Variants in ZNF568 observed in about 807,000 individuals in gnomAD.
ZNF568 encodes zinc finger protein 568.
ZNF568 carries 11 observed loss-of-function variants against 18.1 expected under a neutral mutation model. The observed-to-expected ratio is 0.61, with a 90% CI of 0.38 to 1.00. ZNF568 has a LOEUF of 1.00. Among genes scored for constraint, ZNF568 ranks in the 50% least tolerant of loss-of-function variants. The pLI is 0.01. For synonymous variants in ZNF568, 213 were observed against 246.6 expected (o/e 0.86, Z 1.28); for missense variants, 639 against 768.2 (o/e 0.83, Z 1.99).
chr19:36,995,103 A>G (rs1177192235), intron 4 of ZNF568, among the ~76,000 whole-genome samples: 1 of 151,608 alleles, frequency 6.6e-6, no homozygotes, highest in African/African-American at 2.4e-5. Context: ...TTGAATCTAA[A>G]GTTTGTCTCG....
chr19:36,974,547 A>G lies in ZNF568; in HGVS notation c.405+81A>G, dbSNP rs575830861. 1.7e-5 allele frequency: 23 copies of G among 1,343,354 alleles called. No homozygotes were observed. In the South Asian group the frequency reaches 2.5e-4, roughly 15 times the overall value. The allele number at this position is 1,343,354 out of a possible 1,614,324, so 83.2% of individuals were successfully genotyped here. On this transcript the variant is annotated intron_variant, in intron 7 of 7. Transcript: ENST00000427117. The stretch of plus-strand genomic sequence containing the variant: ...CCTATTTCAGAAATTTATCTAAAAT[A>G]TTTACATTCATGATTTGGACAAAGG...
At chr19:36,940,309 T>A (rs1291296487) in intron 6 of ZNF568, among the ~76,000 whole-genome samples, 1 of 152,250 alleles carries the variant, frequency 6.6e-6, no homozygotes, top group African/African-American at 2.4e-5. Context: ...TTAACTTTAA[T>A]ATCATTTTCT....
chr19:36,936,576 G>T, intron 4 of ZNF568, 170 bp from the exon 5 acceptor site: 4 of 526,766 alleles, frequency 7.6e-6, no homozygotes, highest in Non-Finnish European at 3.1e-6. Context: ...GTCAGATTTG[G>T]GAAATGTCCA....
rs1303117133 is a variant in ZNF568 at position 36,975,707 on chromosome 19, CAG to C, written c.405+1244_405+1245del. On this transcript the variant is annotated intron_variant, in intron 7 of 7. Transcript: ENST00000427117. Reference sequence around the variant, plus strand: ...TTTTTTTTTTTTTTTTTTTTTGAGACAGAGTCTTGCTCTGTCACTCAGGCTGG... The same window carrying C: ...TTTTTTTTTTTTTTTTTTTTTGAGACAGTCTTGCTCTGTCACTCAGGCTGG... 3.2e-3 allele frequency among the ~76,000 whole-genome samples: 84 copies of C among 26,596 alleles called. 2 individuals are homozygous for C. The highest frequency in any genetic ancestry group is 0.021 in the African/African-American group (79 of 3,796). 17.4% of individuals were successfully genotyped at this position (26,596 alleles called of 152,430 possible).
At chr19:36,934,249 T>A (rs2073749269) in intron 4 of ZNF568, among the ~76,000 whole-genome samples, 1 of 151,786 alleles carries the variant, frequency 6.6e-6, no homozygotes, top group South Asian at 2.1e-4. Context: ...ATTCTGATGT[T>A]TGCTTATTTC....
At chr19:36,933,898 G>GTTTTTTTTTTTTTTTTT (rs200880642) in intron 4 of ZNF568, among the ~76,000 whole-genome samples, 1 of 25,776 alleles carries the variant, frequency 3.9e-5, no homozygotes, top group African/African-American at 2.8e-4. Context: ...CTTTTGGGTA[G>GTTTTTTTTTTTTTTTTT]GTTTTTTTTT....
At chr19:36,927,887 T>TATATATTATA (rs1491142078) in intron 4 of ZNF568, among the ~76,000 whole-genome samples, 13 of 39,024 alleles carry the variant, frequency 3.3e-4, no homozygotes, top group African/African-American at 1.2e-3. Flanking sequence ...TATATATATA[T>TATATATTATA]TATATATATA....
chr19:36,975,370 A>G (rs2074274640), intron 7 of ZNF568, among the ~76,000 whole-genome samples: 1 of 146,130 alleles, frequency 6.8e-6, no homozygotes, highest in Non-Finnish European at 1.5e-5. Flanking sequence ...GATGGTCTCG[A>G]TCTCCTGACC....
chr19:36,949,887 C>A lies in ZNF568; in HGVS notation c.734C>A (p.Ala245Asp). ...CTCATTAGACATGAGCGAATTCATG[C>A]TGGAGAGAAACCTTACGAATGTAAA... is the stretch of plus-strand genomic sequence containing the variant. The part of the protein sequence containing the change: ...FDLIRHERIH[A>D]GEKPYECKEC... Residue 245 changes from alanine to aspartate, a missense_variant, in exon 7 of 7, where the codon GCT becomes GAT. Physicochemically the swap from Ala to Asp is moderately radical, Grantham distance 126. Transcript: ENST00000333987. The A allele has an allele frequency of 6.2e-7, 1 of 1,613,864 alleles. No homozygotes were observed. The highest frequency in any genetic ancestry group is 1.3e-5 in the African/African-American group (1 of 75,026).
chr19:36,968,229 TGA>T (rs1170164308), intron 6 of ZNF568, among the ~76,000 whole-genome samples: 2 of 151,488 alleles, frequency 1.3e-5, no homozygotes, highest in African/African-American at 2.4e-5. Flanking sequence ...CAAATTTATA[TGA>T]GAGTAACACA....
chr19:36,960,411 C>T (rs2074140170), intron 6 of ZNF568, among the ~76,000 whole-genome samples: 1 of 152,096 alleles, frequency 6.6e-6, no homozygotes, highest in African/African-American at 2.4e-5. Flanking sequence ...AGCCACTGTG[C>T]CCAGCTAACT....
intron 4 of ZNF568, among the ~76,000 whole-genome samples, chr19:36,929,558 A>T (rs1387466004): frequency 1.3e-5 from 2 of 151,476 alleles, no homozygotes; most frequent in Non-Finnish European, 2.9e-5. Flanking sequence ...GGTCGTACAC[A>T]CCTGTAGTCC....
rs1240996138 is a variant in ZNF568 at position 36,949,976 on chromosome 19, G to GA, written c.828dup (p.Pro277ThrfsTer3). The GA allele has an allele frequency of 6.2e-7, 1 of 1,613,746 alleles. No homozygotes were observed. The highest frequency in any genetic ancestry group is 8.5e-7 in the Non-Finnish European group (1 of 1,179,946). On this transcript the variant is annotated frameshift_variant, in exon 7 of 7. Coordinates refer to ENST00000333987, the MANE Select transcript of ZNF568 (RefSeq NM_198539.4). LOFTEE classifies it low-confidence loss of function (END_TRUNC). Reference sequence around the variant, plus strand: ...TACACATCAGAAAATTCATACTGGGGAAAAACCGTATAAGTGTAATGAATG... The same window carrying GA: ...TACACATCAGAAAATTCATACTGGGGAAAAAACCGTATAAGTGTAATGAATG...
chr19:36,950,770 C>T lies in ZNF568; in HGVS notation c.1617C>T (p.Phe539=). ...PYHCNQCGKA[F]SQRQNLLEHE... is the part of the protein sequence containing the mutation. The stretch of plus-strand genomic sequence containing the variant: ...ATTGTAATCAATGTGGGAAAGCTTT[C>T]AGTCAGAGACAAAATCTTCTTGAGC... The change falls in exon 7 of 7, where the codon TTC becomes TTT. Residue 539 remains phenylalanine, a synonymous_variant. Coordinates refer to ENST00000333987, the MANE Select transcript of ZNF568 (RefSeq NM_198539.4). 6.2e-7 allele frequency: 1 copy of T among 1,613,538 alleles called. No homozygotes were observed. Among genetic ancestry groups the T allele is most frequent in the African/African-American group, 1.3e-5 (1 of 75,034 alleles).
intron 4 of ZNF568, among the ~76,000 whole-genome samples, chr19:36,935,473 T>C (rs2073774054): frequency 6.6e-6 from 1 of 151,354 alleles, no homozygotes; most frequent in African/African-American, 2.4e-5. Context: ...GGCAGGAGAA[T>C]TGCTTGAACT....
intron 6 of ZNF568, among the ~76,000 whole-genome samples, chr19:36,965,680 C>T (rs35080624): frequency 0.11 from 16,951 of 151,404 alleles, 1,096 homozygotes; most frequent in Middle Eastern, 0.18. Context: ...ATGGCATCCC[C>T]CCAGTTTTGT....
In ZNF568 at chr19:36,946,274, C is replaced by T. The variant is rs117603452; in HGVS notation, c.359-3238C>T. 3.8e-3 allele frequency among the ~76,000 whole-genome samples: 576 copies of T among 152,200 alleles called. 3 individuals are homozygous for T. Among genetic ancestry groups the T allele is most frequent in the Middle Eastern group, 6.8e-3 (2 of 294 alleles). On this transcript the variant is annotated intron_variant, in intron 6 of 6. Coordinates refer to ENST00000333987, the MANE Select transcript of ZNF568 (RefSeq NM_198539.4). ...TAGAAGATGAGGTTTAGTAGCATTA[C>T]CACAATCACTTCTCCTTTCCTTTTC... is the stretch of plus-strand genomic sequence containing the variant.
At chr19:36,980,730 C>T (rs1270117123), downstream of ZNF568, among the ~76,000 whole-genome samples, 2 of 152,178 alleles carry the variant, frequency 1.3e-5, no homozygotes, top group Non-Finnish European at 2.9e-5. Flanking sequence ...ACCAGAGAAG[C>T]TCACTCAAGC....
At chr19:36,991,894 T>G in intron 4 of ZNF568, 1 of 1,461,660 alleles carries the variant, frequency 6.8e-7, no homozygotes, top group Non-Finnish European at 9.2e-7. Flanking sequence ...GGTGGTCACT[T>G]AGCTCATCTG....
Sources: gnomAD v4.1 joint callset for allele counts (sites outside exome capture counted in the v4.1 genomes callset) on GRCh38, gnomAD v4.1.1 for gene constraint, MANE v1.5 for transcripts, NCBI Gene and HGNC (gene_info 2026-07-23, HGNC 2026-07-21) for gene names.